Variants in ETV7 observed in about 807,000 individuals in gnomAD.
ETV7 encodes the protein ETS variant transcription factor 7.
A neutral mutation model predicts 39.1 loss-of-function variants in ETV7; 43 were observed. The observed-to-expected ratio is 1.10, with a 90% CI of 0.86 to 1.42. The LOEUF is 1.42. Among genes scored for constraint, ETV7 ranks in the 40% most tolerant of loss-of-function variants. The pLI is 0.00. For missense variants in ETV7, 432 were observed against 442.3 expected (o/e 0.98, Z 0.21); for synonymous variants, 196 against 176.6 (o/e 1.11, Z -0.87).
intron 2 of ETV7, among the ~76,000 whole-genome samples, chr6:36,380,506 CT>C: frequency 6.6e-6 from 1 of 152,310 alleles, no homozygotes; most frequent in East Asian, 1.9e-4. Context: ...GAGGAGCTGC[CT>C]GTCCAGGACA....
At chr6:36,386,075 C>T (rs1773882738) in intron 1 of ETV7, among the ~76,000 whole-genome samples, 1 of 152,196 alleles carries the variant, frequency 6.6e-6, no homozygotes, top group African/African-American at 2.4e-5. Flanking sequence ...CACCTATAAT[C>T]TCAACACTTT....
At chr6:36,367,476 A>AAAGG (rs959462996) in intron 6 of ETV7, among the ~76,000 whole-genome samples, 14 of 151,802 alleles carry the variant, frequency 9.2e-5, no homozygotes, top group East Asian at 3.9e-4. Context: ...AAGGAAGGCG[A>AAAGG]AAGGAAGGAA....
At position 36,385,653 on chromosome 6, in the gene ETV7, A is replaced by G. The variant is rs760617222; in HGVS notation, c.23T>C (p.Ile8Thr). The change falls in exon 2 of 8, where the codon ATT becomes ACT. Residue 8 changes from isoleucine (I) to threonine (T), a missense_variant. Physicochemically the swap from Ile to Thr is moderately conservative, Grantham distance 89 (BLOSUM62 -1). Transcript: ENST00000340181. ...GGCTGCCACAGGGCTTATAGGAGAA[A>G]TAGCCAATTCTCCCTCCTAGAGAGA... Reference protein sequence around the residue: MQEGELAISPISPVAAMP... With the variant: MQEGELATSPISPVAAMP... 6.2e-6 allele frequency: 10 copies of G among 1,612,928 alleles called. No homozygotes were observed. The East Asian group carries it at 2.0e-4, about 32-fold the overall frequency.
chr6:36,364,893 C>A (rs751551000), downstream of ETV7, among the ~76,000 whole-genome samples: 1 of 152,210 alleles, frequency 6.6e-6, no homozygotes, highest in Non-Finnish European at 1.5e-5. Flanking sequence ...ATTTTCCCAT[C>A]GATCCTTTTT....
At chr6:36,360,939 C>T (rs1402013637) in intron 7 of ETV7, among the ~76,000 whole-genome samples, 2 of 152,208 alleles carry the variant, frequency 1.3e-5, no homozygotes, top group African/African-American at 4.8e-5. Flanking sequence ...CCAATAGGCA[C>T]ACTTCTCACG....
chr6:36,380,525 A>C (rs949635583), intron 2 of ETV7, among the ~76,000 whole-genome samples: 1 of 152,124 alleles, frequency 6.6e-6, no homozygotes, highest in African/African-American at 2.4e-5. Context: ...ACACAATTGG[A>C]GGGCTCAGGT....
At chr6:36,361,851 T>C (rs548905220), downstream of ETV7, among the ~76,000 whole-genome samples, 2 of 152,378 alleles carry the variant, frequency 1.3e-5, no homozygotes, top group South Asian at 4.1e-4. Context: ...ACCATGAGAA[T>C]GTATCTCCTG....
downstream of ETV7, among the ~76,000 whole-genome samples, chr6:36,362,332 G>T (rs1350020574): frequency 6.6e-6 from 1 of 151,858 alleles, no homozygotes; most frequent in Admixed American, 6.6e-5. Flanking sequence ...GTGTGGTGGC[G>T]GGTGCCTGTA....
At chr6:36,363,431 G>A (rs185148285), downstream of ETV7, among the ~76,000 whole-genome samples, 22 of 151,746 alleles carry the variant, frequency 1.4e-4, no homozygotes, top group East Asian at 3.9e-4. Flanking sequence ...AGACCTTCAC[G>A]GTGAGTGTTA....
At position 36,371,427 on chromosome 6, in the gene ETV7, G is replaced by C. The variant is rs1238771730; in HGVS notation, c.567C>G (p.Ser189=). 6.2e-7 allele frequency: 1 copy of C among 1,602,030 alleles called. No homozygotes were observed. The highest frequency in any genetic ancestry group is 1.3e-5 in the African/African-American group (1 of 74,806). The change falls in exon 5 of 8, where the codon TCC becomes TCG. Residue 189 remains serine, a synonymous_variant. Transcript: ENST00000340181. ...LARWTPGKEE[S]LNLCHCAELG... ...GCTCTGCACAGTGACATAAGTTGAG[G>C]GACTCCTCCTTGCCAGGGGTCCACC...
rs374050677 is a variant in ETV7, at chr6:36,378,772, C to T, written c.143-2737G>A. On this transcript the variant is annotated intron_variant, in intron 2 of 7. Coordinates refer to ENST00000340181, the MANE Select transcript of ETV7 (RefSeq NM_016135.4). The stretch of plus-strand genomic sequence containing the variant: ...AGGAATACCCTGGTCACTATCCACT[C>T]AATGCCAGCCTAGTTCTAACAACTA... Among the ~76,000 whole-genome samples, 5 of 152,166 alleles carry T rather than the reference C, an allele frequency of 3.3e-5. No individual in the cohort carries two copies. In the East Asian group the frequency reaches 7.7e-4, roughly 23 times the overall value.
chr6:36,359,966 G>C (rs1448023243), intron 7 of ETV7, among the ~76,000 whole-genome samples: 1 of 152,030 alleles, frequency 6.6e-6, no homozygotes, highest in Non-Finnish European at 1.5e-5. Flanking sequence ...CGCGATCTCG[G>C]CTCACTGCCT....
At chr6:36,365,299 G>A (rs2127385019), downstream of ETV7, among the ~76,000 whole-genome samples, 1 of 152,312 alleles carries the variant, frequency 6.6e-6, no homozygotes, top group East Asian at 1.9e-4. Flanking sequence ...TGACCCATTG[G>A]ACCGAGGTGT....
At position 36,371,517 on chromosome 6, in the gene ETV7, C is replaced by A. The variant is rs757410120; in HGVS notation, c.477G>T (p.Leu159=). 3 of 1,605,122 alleles carry A rather than the reference C, an allele frequency of 1.9e-6. No homozygotes were observed. Among genetic ancestry groups the A allele is most frequent in the Non-Finnish European group, 2.5e-6 (3 of 1,176,512 alleles). The change falls in exon 5 of 8, where the codon CTG becomes CTT. Residue 159 remains leucine, a synonymous_variant. Coordinates refer to ENST00000340181, the MANE Select transcript of ETV7 (RefSeq NM_016135.4). ...TAAGCCCTGGGTCTGGTGGCTGCAG[C>A]AGGTGGCCCCTTCGGGTGTCCATCT... The part of the protein sequence containing the change: ...PSQMDTRRGH[L]LQPPDPGLTS...
chr6:36,363,197 C>G (rs1235945722), downstream of ETV7, among the ~76,000 whole-genome samples: 1 of 152,236 alleles, frequency 6.6e-6, no homozygotes, highest in Admixed American at 6.5e-5. Context: ...CGGACCCTCG[C>G]GGTGAGTCTT....
intron 3 of ETV7, among the ~76,000 whole-genome samples, 190 bp from the exon 4 acceptor site, chr6:36,373,768 TC>T: frequency 6.6e-6 from 1 of 152,202 alleles, no homozygotes; most frequent in East Asian, 1.9e-4. Context: ...ATGCTGCTGC[TC>T]CCGTGGTGGA....
In ETV7 at chr6:36,387,556, A is replaced by G; in HGVS notation, c.-15T>C. On this transcript the variant is annotated 5_prime_UTR_variant, in exon 1 of 8. Coordinates refer to ENST00000340181, the MANE Select transcript of ETV7 (RefSeq NM_016135.4). ...CTTACCTGCATTACAGGTGGAGGTG[A>G]GGAAGCCACCGGCTTTCTGTCTTGA... 6.2e-7 allele frequency: 1 copy of G among 1,614,064 alleles called. No individual in the cohort carries two copies. Among genetic ancestry groups the G allele is most frequent in the Non-Finnish European group, 8.5e-7 (1 of 1,180,010 alleles).
In ETV7 at chr6:36,367,453, AAAGG is replaced by A. The variant is rs371253306; in HGVS notation, c.808-482_808-479del. ...TTGAGACTCCATTACAAAAAGAAAGAAAGGAAGGAAGGAAGGAAGGCGAAAGGAA... is the reference window on the plus strand; with the variant it reads ...TTGAGACTCCATTACAAAAAGAAAGAAAGGAAGGAAGGAAGGCGAAAGGAA... On this transcript the variant is annotated intron_variant, in intron 6 of 7. Coordinates refer to ENST00000340181, the MANE Select transcript of ETV7 (RefSeq NM_016135.4). Among the ~76,000 whole-genome samples, 386 of 151,460 alleles carry A rather than the reference AAAGG, an allele frequency of 2.5e-3. 1 individual carries two copies. The highest frequency in any genetic ancestry group is 8.0e-3 in the African/African-American group (330 of 41,318).
At chr6:36,354,712 G>T in intron 7 of ETV7, 1 of 693,190 alleles carries the variant, frequency 1.4e-6, no homozygotes, top group South Asian at 1.5e-5. Flanking sequence ...AAAAGCAGTT[G>T]GAATTTTGAT....
Sources: gnomAD v4.1 joint callset for allele counts (sites outside exome capture counted in the v4.1 genomes callset) on GRCh38, gnomAD v4.1.1 for gene constraint, MANE v1.5 for transcripts, NCBI Gene and HGNC (gene_info 2026-07-23, HGNC 2026-07-21) for gene names.